The following ASIC2 variants were observed in gnomAD, a reference collection of about 807,000 sequenced individuals.
The protein encoded by ASIC2 is acid sensing ion channel subunit 2.
Under a neutral mutation model 57.3 loss-of-function variants are expected in ASIC2, and 25 were observed. The ratio of observed to expected loss-of-function variants is 0.44; its 90% CI spans 0.32 to 0.61. The LOEUF is 0.61. ASIC2 is among the 20% of genes least tolerant of loss of function. The pLI, the probability that ASIC2 is intolerant of heterozygous loss-of-function variation, is 0.06. For missense variants in ASIC2, 641 were observed against 738.1 expected (o/e 0.87, Z 1.52); for synonymous variants, 319 against 307.5 (o/e 1.04, Z -0.39).
At chr17:33,321,314 A>G (rs1906859012) in intron 1 of ASIC2, among the ~76,000 whole-genome samples, 1 of 152,194 alleles carries the variant, frequency 6.6e-6, no homozygotes, top group Non-Finnish European at 1.5e-5. Flanking sequence ...AGTCTTGCAC[A>G]TTCTTAGCAT....
At chr17:33,491,266 A>G (rs902491809) in intron 1 of ASIC2, among the ~76,000 whole-genome samples, 1 of 152,186 alleles carries the variant, frequency 6.6e-6, no homozygotes, top group South Asian at 2.1e-4. Flanking sequence ...ACAATGGGGA[A>G]GGGAGGGATG....
At chr17:34,059,614 A>ACCCT (rs1240219596) in intron 1 of ASIC2, among the ~76,000 whole-genome samples, 5 of 151,850 alleles carry the variant, frequency 3.3e-5, no homozygotes, top group Non-Finnish European at 7.4e-5. Context: ...AGCCCATCTC[A>ACCCT]CCCTCCTCCT....
chr17:33,582,339 G>T (rs1904471967), intron 1 of ASIC2, among the ~76,000 whole-genome samples: 2 of 152,174 alleles, frequency 1.3e-5, no homozygotes, highest in Non-Finnish European at 2.9e-5. Flanking sequence ...ATGTTAAAAG[G>T]ATAAGCAAAG....
At chr17:33,124,011 C>T (rs1363878899) in intron 1 of ASIC2, among the ~76,000 whole-genome samples, 1 of 152,176 alleles carries the variant, frequency 6.6e-6, no homozygotes, top group Non-Finnish European at 1.5e-5. Flanking sequence ...GCACATGTTT[C>T]CATTAATGGC....
intron 1 of ASIC2, among the ~76,000 whole-genome samples, chr17:34,011,132 C>CAGACACATGCAGACACGCACAG (rs1906739344): frequency 2.9e-5 from 1 of 34,338 alleles, no homozygotes; most frequent in Admixed American, 3.3e-4. Flanking sequence ...CAGACACAGG[C>CAGACACATGCAGACACGCACAG]ACACACACAC....
Position 33,328,286 on chromosome 17 carries a change from T to C in ASIC2, c.556-216219A>G, listed in dbSNP as rs539745624. 2.6e-5 allele frequency among the ~76,000 whole-genome samples: 4 copies of C among 152,198 alleles called. No homozygotes were observed. In the East Asian group the frequency reaches 7.7e-4, roughly 29 times the overall value. The stretch of plus-strand genomic sequence containing the variant: ...CACAGTGAGTTAGGAAAGTGAGAAG[T>C]CTGGGTTCAGCCAACCGGGGAGAAT... On this transcript the variant is annotated intron_variant, in intron 1 of 9. Transcript: ENST00000359872.
chr17:34,059,191 G>A (rs542698314), intron 1 of ASIC2, among the ~76,000 whole-genome samples: 38 of 152,260 alleles, frequency 2.5e-4, no homozygotes, highest in South Asian at 1.2e-3. Flanking sequence ...CTCTAACTGC[G>A]GAAATGAAAA....
At chr17:33,882,766 C>A (rs866512124) in intron 1 of ASIC2, among the ~76,000 whole-genome samples, 104 of 152,278 alleles carry the variant, frequency 6.8e-4, no homozygotes, top group Middle Eastern at 3.4e-3. Context: ...TGGGTATATA[C>A]CCAAAGGATT....
chr17:33,690,910 T>G (rs1015222183), intron 1 of ASIC2, among the ~76,000 whole-genome samples: 14 of 151,746 alleles, frequency 9.2e-5, no homozygotes, highest in African/African-American at 2.7e-4. Context: ...CCACCACGCC[T>G]GGCTAATTTT....
intron 1 of ASIC2, among the ~76,000 whole-genome samples, chr17:33,684,402 C>T (rs892449057): frequency 3.9e-5 from 6 of 151,934 alleles, no homozygotes; most frequent in Admixed American, 6.5e-5. Context: ...TTAAATATAT[C>T]GGGCAGCAGA....
chr17:33,158,318 C>A (rs1370392563), intron 1 of ASIC2, among the ~76,000 whole-genome samples: 1 of 152,266 alleles, frequency 6.6e-6, no homozygotes, highest in East Asian at 1.9e-4. Context: ...TCCTGCCACC[C>A]CCTCAAGGGA....
chr17:33,259,837 A>C (rs924558847), intron 1 of ASIC2, among the ~76,000 whole-genome samples: 9 of 152,208 alleles, frequency 5.9e-5, no homozygotes, highest in African/African-American at 2.2e-4. Flanking sequence ...CTCTAACCCG[A>C]GAATGCTCTG....
chr17:34,002,586 T>C (rs1212737220), intron 1 of ASIC2: 1 of 152,244 alleles, frequency 6.6e-6, no homozygotes, highest in Non-Finnish European at 1.5e-5. Flanking sequence ...ATTTCAGCTC[T>C]GCAGGGTCTG....
intron 1 of ASIC2, among the ~76,000 whole-genome samples, chr17:33,444,678 G>A (rs1381933403): frequency 1.3e-5 from 2 of 152,112 alleles, no homozygotes; most frequent in African/African-American, 2.4e-5. Context: ...ACTGGCCGCA[G>A]GGAAGGGAAT....
chr17:33,517,080 C>G (rs770524784), intron 1 of ASIC2, among the ~76,000 whole-genome samples: 1 of 152,168 alleles, frequency 6.6e-6, no homozygotes, highest in Non-Finnish European at 1.5e-5. Flanking sequence ...TTCTCAAACC[C>G]TCATAACCTC....
chr17:33,128,834 G>A (rs1260260145), intron 1 of ASIC2, among the ~76,000 whole-genome samples: 1 of 152,230 alleles, frequency 6.6e-6, no homozygotes, highest in Non-Finnish European at 1.5e-5. Flanking sequence ...GGCCATAGTA[G>A]TCACCATACT....
intron 1 of ASIC2, among the ~76,000 whole-genome samples, chr17:33,863,828 C>T (rs969655064): frequency 3.3e-5 from 5 of 151,858 alleles, no homozygotes; most frequent in Middle Eastern, 3.2e-3. Context: ...TGGCAGACAA[C>T]AAAAATCTAG....
intron 1 of ASIC2, chr17:34,037,806 G>A (rs1907949926): frequency 1.2e-6 from 2 of 1,614,160 alleles, no homozygotes; most frequent in Admixed American, 1.7e-5. Flanking sequence ...TTTGCTTCAG[G>A]TGTTACTACC....
chr17:33,314,994 A>G (rs1027517502), intron 1 of ASIC2, among the ~76,000 whole-genome samples: 9 of 152,224 alleles, frequency 5.9e-5, no homozygotes, highest in African/African-American at 2.2e-4. Flanking sequence ...CAGAGAAAAA[A>G]GTAAATAGGC....
Sources: gnomAD v4.1 joint callset for allele counts (sites outside exome capture counted in the v4.1 genomes callset) on GRCh38, gnomAD v4.1.1 for gene constraint, MANE v1.5 for transcripts, NCBI Gene and HGNC (gene_info 2026-07-23, HGNC 2026-07-21) for gene names.